Variants in EPHA6 observed in about 807,000 individuals in gnomAD.
The protein encoded by EPHA6 is EPH receptor A6.
In EPHA6, 50 loss-of-function variants were observed where a neutral mutation model predicts 112.0. The observed-to-expected ratio is 0.45, with a 90% CI of 0.36 to 0.56. The LOEUF (loss-of-function observed/expected upper bound fraction) is 0.56, where lower values mean the gene tolerates loss of function less well. Ranked by LOEUF, EPHA6 falls within the 20% of genes least tolerant of loss-of-function variation. The pLI is 0.00. For synonymous variants in EPHA6, 529 were observed against 490.7 expected (o/e 1.08, Z -1.03); for missense variants, 1,280 against 1,417.4 (o/e 0.90, Z 1.56).
intron 10 of EPHA6, among the ~76,000 whole-genome samples, chr3:97,527,417 A>T (rs530698473): frequency 2.0e-5 from 3 of 149,080 alleles, no homozygotes; most frequent in African/African-American, 7.4e-5. Flanking sequence ...GTGCAGAATT[A>T]TTTTTTTTTT....
chr3:97,020,630 G>A (rs1241200804), intron 3 of EPHA6, among the ~76,000 whole-genome samples: 1 of 152,138 alleles, frequency 6.6e-6, no homozygotes. Context: ...CTGGAGCACA[G>A]TCTCTGTGAG....
chr3:96,848,300 A>G (rs2035191663), intron 1 of EPHA6, among the ~76,000 whole-genome samples: 1 of 152,102 alleles, frequency 6.6e-6, no homozygotes, highest in Non-Finnish European at 1.5e-5. Context: ...AAAATGCAAG[A>G]AAATATGTTG....
intron 5 of EPHA6, among the ~76,000 whole-genome samples, chr3:97,277,110 A>G (rs150019118): frequency 0.031 from 4,657 of 152,162 alleles, 235 homozygotes; most frequent in African/African-American, 0.1. Context: ...TTGGGGTTGG[A>G]ACTGAGGGGA....
chr3:97,336,826 G>T (rs1336819129), intron 5 of EPHA6, among the ~76,000 whole-genome samples: 1 of 151,758 alleles, frequency 6.6e-6, no homozygotes, highest in Non-Finnish European at 1.5e-5. Flanking sequence ...ATGCAGAAAA[G>T]AATCATGTTT....
At chr3:96,906,513 C>T (rs1012398597) in intron 2 of EPHA6, among the ~76,000 whole-genome samples, 1 of 152,066 alleles carries the variant, frequency 6.6e-6, no homozygotes, top group Non-Finnish European at 1.5e-5. Context: ...CAAGTGAACT[C>T]ATTGTATTAC....
chr3:97,228,739 TA>T (rs754666386), intron 4 of EPHA6, among the ~76,000 whole-genome samples: 4 of 152,196 alleles, frequency 2.6e-5, no homozygotes, highest in Admixed American at 2.0e-4. Context: ...AGATACCTAG[TA>T]GGGGGGATTG....
intron 15 of EPHA6, among the ~76,000 whole-genome samples, chr3:97,721,005 A>G (rs190070518): frequency 6.6e-6 from 1 of 152,326 alleles, no homozygotes; most frequent in East Asian, 1.9e-4. Context: ...ACAGTGATAG[A>G]GACAGTATTC....
chr3:97,325,417 G>T (rs1271184867), intron 5 of EPHA6, among the ~76,000 whole-genome samples: 1 of 152,004 alleles, frequency 6.6e-6, no homozygotes, highest in Admixed American at 6.6e-5. Context: ...ATGTAGAAAT[G>T]TCTTATTTTT....
intron 11 of EPHA6, among the ~76,000 whole-genome samples, chr3:97,541,793 A>G (rs1176723553): frequency 2.0e-5 from 3 of 150,656 alleles, no homozygotes; most frequent in African/African-American, 4.9e-5. Flanking sequence ...TTTAAAAATA[A>G]TTTCAACTTT....
At chr3:97,078,804 T>C (rs2046622583) in intron 3 of EPHA6, among the ~76,000 whole-genome samples, 1 of 152,180 alleles carries the variant, frequency 6.6e-6, no homozygotes, top group African/African-American at 2.4e-5. Context: ...TGAGGAGTTC[T>C]TCTTATGGAT....
chr3:96,866,621 A>G (rs543871501), intron 1 of EPHA6, among the ~76,000 whole-genome samples: 1 of 151,830 alleles, frequency 6.6e-6, no homozygotes, highest in East Asian at 1.9e-4. Context: ...ATTTCTAAAT[A>G]CTTTATGCAT....
chr3:97,630,943 A>G (rs2093897608), intron 13 of EPHA6, among the ~76,000 whole-genome samples: 2 of 151,958 alleles, frequency 1.3e-5, no homozygotes, highest in South Asian at 4.1e-4. Flanking sequence ...TTATAAAACC[A>G]CCTGTGACCT....
At chr3:96,867,789 T>C (rs2036403009) in intron 2 of EPHA6, among the ~76,000 whole-genome samples, 1 of 151,960 alleles carries the variant, frequency 6.6e-6, no homozygotes, top group South Asian at 2.1e-4. Context: ...TTTATTCTTT[T>C]AGAATCTTTC....
At chr3:97,424,552 C>T (rs1385458617) in intron 6 of EPHA6, among the ~76,000 whole-genome samples, 1 of 151,916 alleles carries the variant, frequency 6.6e-6, no homozygotes, top group Non-Finnish European at 1.5e-5. Context: ...GCCTGTAATC[C>T]CAGCATTTTG....
At chr3:96,877,458 G>C (rs1030257278) in intron 2 of EPHA6, among the ~76,000 whole-genome samples, 6 of 151,980 alleles carry the variant, frequency 3.9e-5, no homozygotes, top group African/African-American at 1.4e-4. Flanking sequence ...GACCGGTTTA[G>C]AACAGTTGAT....
chr3:97,093,549 CA>C (rs59531471), intron 3 of EPHA6, among the ~76,000 whole-genome samples: 8 of 147,778 alleles, frequency 5.4e-5, no homozygotes, highest in Admixed American at 1.3e-4. Flanking sequence ...GACTCCGTCT[CA>C]AAAAAAAATA....
chr3:97,198,322 C>CA (rs1193430926), intron 3 of EPHA6, among the ~76,000 whole-genome samples: 4 of 151,886 alleles, frequency 2.6e-5, no homozygotes, highest in African/African-American at 9.7e-5. Flanking sequence ...ATGACCCATG[C>CA]AAAAAAATGT....
intron 10 of EPHA6, among the ~76,000 whole-genome samples, chr3:97,509,496 G>T (rs2092325294): frequency 6.6e-6 from 1 of 152,072 alleles, no homozygotes; most frequent in Non-Finnish European, 1.5e-5. Flanking sequence ...ATTTATTTAA[G>T]AATGTTGAAT....
intron 5 of EPHA6, among the ~76,000 whole-genome samples, chr3:97,256,888 T>A (rs2079332028): frequency 6.6e-6 from 1 of 152,046 alleles, no homozygotes; most frequent in South Asian, 2.1e-4. Flanking sequence ...TCTTAAAATG[T>A]GGAATGCATA....
Sources: allele counts gnomAD v4.1 joint callset (sites outside exome capture counted in the v4.1 genomes callset), GRCh38; gene constraint gnomAD v4.1.1; transcripts MANE v1.5; gene names NCBI Gene and HGNC (gene_info 2026-07-23, HGNC 2026-07-21).